The following ACHE variants were observed in gnomAD, a reference collection of about 807,000 sequenced individuals.
ACHE encodes acetylcholinesterase.
A neutral mutation model predicts 53.9 loss-of-function variants in ACHE; 19 were observed. The ratio of observed to expected loss-of-function variants is 0.35; its 90% CI spans 0.25 to 0.52. The LOEUF is 0.52. ACHE is among the 20% of genes least tolerant of loss of function. The pLI, the probability that ACHE is intolerant of heterozygous loss-of-function variation, is 0.95. For missense variants in ACHE, 605 were observed against 849.4 expected (o/e 0.71, Z 3.58); for synonymous variants, 392 against 378.1 (o/e 1.04, Z -0.43).
chr7:100,893,489 G>A lies in ACHE; in HGVS notation c.744C>T (p.Pro248=), dbSNP rs1433401180. ...CGGCCCTGTGGAACAGGCCCCGGCT[G>A]GGCGGGGACAGCAGGTGCATGCCCA... ...ASVGMHLLSP[P]SRGLFHRAVL... is the part of the protein sequence containing the mutation. The change falls in exon 2 of 5, where the codon CCC becomes CCT. Residue 248 remains proline, a synonymous_variant. Transcript: ENST00000241069. The A allele has an allele frequency of 1.2e-6, 2 of 1,607,834 alleles. No individual in the cohort carries two copies. The highest frequency in any genetic ancestry group is 2.2e-5 in the South Asian group (2 of 91,042).
In ACHE at chr7:100,895,809, G is replaced by GGCCGA. The variant is rs1791011788; in HGVS notation, c.-33_-29dup. The GGCCGA allele has an allele frequency of 1.3e-5, 2 of 152,056 alleles. No individual in the cohort carries two copies. The highest frequency in any genetic ancestry group is 6.5e-5 in the Admixed American group (1 of 15,278). The allele number at this position is 152,056 out of a possible 1,614,324, so 9.4% of individuals were successfully genotyped here. A position where few individuals can be genotyped will look rare whatever the true frequency, so the allele number is the denominator to read the frequency against. On this transcript the variant is annotated 5_prime_UTR_variant, in exon 1 of 5. Transcript: ENST00000241069. ...GCGGGGAGGGAGACTCACCTGAGGC[G>GGCCGA]GCCGAGCCGGGCCGGGCCGGGCCGC...
At chr7:100,890,674 C>G in intron 4 of ACHE, 1 of 1,332,696 alleles carries the variant, frequency 7.5e-7, no homozygotes, top group Non-Finnish European at 9.6e-7. Context: ...GGGGTGCTAC[C>G]CCGTCCGGGG....
At chr7:100,894,294 G>T in intron 1 of ACHE, 42 bp from the exon 2 acceptor site, 1 of 1,349,660 alleles carries the variant, frequency 7.4e-7, no homozygotes, top group Non-Finnish European at 9.7e-7. Context: ...GGTCGGTCGA[G>T]AAGCCAGGAG....
chr7:100,890,167 CAGCTAGGGGG>C lies in ACHE; in HGVS notation c.*37_*46del. On this transcript the variant is annotated 3_prime_UTR_variant, in exon 5 of 5. Coordinates refer to ENST00000241069, the MANE Select transcript of ACHE (RefSeq NM_000665.5). ...CCAGCCCTGAAATAAATAGTATATACAGCTAGGGGGCCGGGCGGAGCGGAGGACATGGGGG... is the reference window on the plus strand; with the variant it reads ...CCAGCCCTGAAATAAATAGTATATACCCGGGCGGAGCGGAGGACATGGGGG... 1 of 1,609,276 alleles carries C rather than the reference CAGCTAGGGGG, an allele frequency of 6.2e-7. No individual in the cohort carries two copies. The highest frequency in any genetic ancestry group is 8.5e-7 in the Non-Finnish European group (1 of 1,176,622).
rs576411894 is a variant in ACHE, at chr7:100,895,064, G to T, written c.-21+738C>A. On this transcript the variant is annotated intron_variant, in intron 1 of 4. Transcript: ENST00000241069. ...GGGGGCTCGAGGGCCTTGCAGAGCCGCCTGAAGGGCGAGCCGGGACGCCTG... is the reference window on the plus strand; with the variant it reads ...GGGGGCTCGAGGGCCTTGCAGAGCCTCCTGAAGGGCGAGCCGGGACGCCTG... Among the ~76,000 whole-genome samples the T allele has an allele frequency of 7.9e-5, 12 of 152,258 alleles. No homozygotes were observed. In the East Asian group the frequency reaches 2.1e-3, roughly 27 times the overall value.
Position 100,890,130 on chromosome 7 carries a change from C to T in ACHE, c.*84G>A, listed in dbSNP as rs888344113. On this transcript the variant is annotated 3_prime_UTR_variant, in exon 5 of 5. Transcript: ENST00000241069. ...GGGATGGGCAGAGTCTGGGGCTCGT[C>T]TGTGTTATAGCCCAGCCCTGAAATA... 3 of 1,536,866 alleles carry T rather than the reference C, an allele frequency of 2.0e-6. No individual in the cohort carries two copies. Among genetic ancestry groups the T allele is most frequent in the Non-Finnish European group, 2.7e-6 (3 of 1,131,864 alleles).
At chr7:100,893,084 T>A (rs1384856471) in intron 2 of ACHE, 81 bp downstream of exon 2, 6 of 1,455,928 alleles carry the variant, frequency 4.1e-6, no homozygotes, top group Non-Finnish European at 4.7e-6. Context: ...GGAGAAGCCC[T>A]CATGCCTGGG....
rs765298437 is a variant in ACHE at position 100,893,419 on chromosome 7, T to C, written c.814A>G (p.Met272Val). Residue 272 changes from methionine (M) to valine (V), a missense_variant, in exon 2 of 5, where the codon ATG (methionine) becomes GTG (valine). Coordinates refer to ENST00000241069, the MANE Select transcript of ACHE (RefSeq NM_000665.5). Reference protein sequence around the residue: ...APNGPWATVGMGEARRRATQL... With the variant: ...APNGPWATVGVGEARRRATQL... Reference sequence around the variant, plus strand: ...GTGGCCCTGCGACGGGCCTCTCCCATGCCCACCGTGGCCCAGGGTCCATTG... The same window carrying C: ...GTGGCCCTGCGACGGGCCTCTCCCACGCCCACCGTGGCCCAGGGTCCATTG... The C allele has an allele frequency of 6.2e-7, 1 of 1,610,830 alleles. No homozygotes were observed. Among genetic ancestry groups the C allele is most frequent in the Non-Finnish European group, 8.5e-7 (1 of 1,179,610 alleles).
rs774439726 is a variant in ACHE, at chr7:100,891,091, A to G, written c.1723+78T>C. 7 of 1,538,358 alleles carry G rather than the reference A, an allele frequency of 4.6e-6. No homozygotes were observed. In the Admixed American group the frequency reaches 1.4e-4, roughly 31 times the overall value. ...GCAGGTGCTGGGAGCCTCCGAGGCT[A>G]GGGGGAGAAGAGAGGGGTTACACCT... On this transcript the variant is annotated intron_variant, in intron 4 of 4. Coordinates refer to ENST00000241069, the MANE Select transcript of ACHE (RefSeq NM_000665.5).
At position 100,890,134 on chromosome 7, in the gene ACHE, G is replaced by A; in HGVS notation, c.*80C>T. On this transcript the variant is annotated 3_prime_UTR_variant, in exon 5 of 5. Transcript: ENST00000241069. ...TGGGCAGAGTCTGGGGCTCGTCTGT[G>A]TTATAGCCCAGCCCTGAAATAAATA... 2.6e-6 allele frequency: 4 copies of A among 1,553,876 alleles called. No homozygotes were observed. Among genetic ancestry groups the A allele is most frequent in the Non-Finnish European group, 1.8e-6 (2 of 1,141,186 alleles).
At position 100,893,733 on chromosome 7, in the gene ACHE, C is replaced by T. The variant is rs368062416; in HGVS notation, c.500G>A (p.Arg167His). ...AGTCCTCTCGGCCTGTACCAAGAAGCGGCCATCGTACACGTCCAAGGAGGA... is the reference window on the plus strand; with the variant it reads ...AGTCCTCTCGGCCTGTACCAAGAAGTGGCCATCGTACACGTCCAAGGAGGA... Reference protein sequence around the residue: ...GASSLDVYDGRFLVQAERTVL... With the variant: ...GASSLDVYDGHFLVQAERTVL... The change falls in exon 2 of 5, where the codon CGC becomes CAC. Residue 167 changes from arginine to histidine, a missense_variant. Around this residue, in one of 4 missense-constraint regions of ACHE, gnomAD observed 397 missense variants for 632.5 expected, o/e 0.63. Coordinates refer to ENST00000241069, the MANE Select transcript of ACHE (RefSeq NM_000665.5). 1.9e-6 allele frequency: 3 copies of T among 1,613,568 alleles called. No homozygotes were observed. Among genetic ancestry groups the T allele is most frequent in the Non-Finnish European group, 1.7e-6 (2 of 1,180,018 alleles).
Position 100,892,745 on chromosome 7 carries a change from T to C in ACHE, c.1142A>G (p.Asn381Ser). The C allele has an allele frequency of 1.2e-6, 2 of 1,612,442 alleles. No individual in the cohort carries two copies. Among genetic ancestry groups the C allele is most frequent in the Admixed American group, 1.7e-5 (1 of 59,996 alleles). ...VYGAPGFSKD[N>S]ESLISRAEFL... ...CTCGGCCCGGCTGATGAGAGACTCG[T>C]TGTCTTTGCTGAAGCCTGGGGCCCC... Residue 381 changes from asparagine (N) to serine (S), a missense_variant, in exon 3 of 5, where the codon AAC becomes AGC. This residue lies in a region of ACHE where 397 missense variants were observed against 632.5 expected (regional missense o/e 0.63). Coordinates refer to ENST00000241069, the MANE Select transcript of ACHE (RefSeq NM_000665.5). The surrounding 1 kb of genome is among the most constrained non-coding windows in gnomAD (Gnocchi z 5.2).
rs17885778 is a variant in ACHE, at chr7:100,893,830, G to C, written c.403C>G (p.Pro135Ala). ...EDCLYLNVWTPYPRPTSPTPV... is the reference protein window; with the variant it reads ...EDCLYLNVWTAYPRPTSPTPV... The stretch of plus-strand genomic sequence containing the variant: ...GTGGGGGATGTAGGCCGGGGGTATG[G>C]TGTCCACACGTTGAGGTACAGGCAG... The change falls in exon 2 of 5, where the codon CCA becomes GCA. Residue 135 changes from proline to alanine, a missense_variant. Around this residue, in one of 4 missense-constraint regions of ACHE, gnomAD observed 397 missense variants for 632.5 expected, o/e 0.63. Coordinates refer to ENST00000241069, the MANE Select transcript of ACHE (RefSeq NM_000665.5). 1.1e-3 allele frequency: 1,793 copies of C among 1,612,722 alleles called. 7 individuals carry two copies. The highest frequency in any genetic ancestry group is 7.1e-3 in the Middle Eastern group (43 of 6,050).
rs760367715 is a variant in ACHE, at chr7:100,893,780, C to T, written c.453G>A (p.Gly151=). 1.2e-6 allele frequency: 2 copies of T among 1,613,822 alleles called. No individual in the cohort carries two copies. Among genetic ancestry groups the T allele is most frequent in the East Asian group, 2.2e-5 (1 of 44,882 alleles). The stretch of plus-strand genomic sequence containing the variant: ...AGGAGGCCCCACTGTAGAAGCCACC[C>T]CCATAGATCCAGACGAGGACAGGGG... ...SPTPVLVWIY[G]GGFYSGASSL... is the part of the protein sequence containing the mutation. The change falls in exon 2 of 5, where the codon GGG becomes GGA. Residue 151 remains glycine, a synonymous_variant. Coordinates refer to ENST00000241069, the MANE Select transcript of ACHE (RefSeq NM_000665.5).
Position 100,893,762 on chromosome 7 carries a change from C to G in ACHE, c.471G>C (p.Gly157=). Residue 157 remains glycine, a synonymous_variant, in exon 2 of 5, where the codon GGG becomes GGC. Transcript: ENST00000241069. ...CATCGTACACGTCCAAGGAGGAGGC[C>G]CCACTGTAGAAGCCACCCCCATAGA... ...VWIYGGGFYS[G]ASSLDVYDGR... is the part of the protein sequence containing the mutation. 6.2e-7 allele frequency: 1 copy of G among 1,613,782 alleles called. No individual in the cohort carries two copies. The highest frequency in any genetic ancestry group is 8.5e-7 in the Non-Finnish European group (1 of 1,180,022).
At position 100,893,360 on chromosome 7, in the gene ACHE, G is replaced by T; in HGVS notation, c.873C>A (p.Gly291=). 1.2e-6 allele frequency: 2 copies of T among 1,613,590 alleles called. No homozygotes were observed. Among genetic ancestry groups the T allele is most frequent in the Non-Finnish European group, 1.7e-6 (2 of 1,180,006 alleles). The part of the protein sequence containing the change: ...QLAHLVGCPP[G]GTGGNDTELV... ...GCTCTGTGTCATTCCCACCAGTGCC[G>T]CCTGGAGGACAGCCCACAAGGTGGG... Residue 291 remains glycine (G), a synonymous_variant, in exon 2 of 5, where the codon GGC becomes GGA. Transcript: ENST00000241069.
Position 100,894,209 on chromosome 7 carries a change from C to T in ACHE, c.24G>A (p.Leu8=), listed in dbSNP as rs1584776911. 6.8e-7 allele frequency: 1 copy of T among 1,463,722 alleles called. No individual in the cohort carries two copies. Among genetic ancestry groups the T allele is most frequent in the Non-Finnish European group, 9.0e-7 (1 of 1,113,796 alleles). The allele number at this position is 1,463,722 out of a possible 1,614,324, so 90.7% of individuals were successfully genotyped here. A position where few individuals can be genotyped will look rare whatever the true frequency, so the allele number is the denominator to read the frequency against. ...GTGGGGAAGCCAGGGAAGGCGTGTGCAGCAGACACTGCGGGGGCCTCATGG... is the reference window on the plus strand; with the variant it reads ...GTGGGGAAGCCAGGGAAGGCGTGTGTAGCAGACACTGCGGGGGCCTCATGG... MRPPQCL[L]HTPSLASPLL... The change falls in exon 2 of 5, where the codon CTG becomes CTA. Residue 8 remains leucine, a synonymous_variant. Coordinates refer to ENST00000241069, the MANE Select transcript of ACHE (RefSeq NM_000665.5).
At chr7:100,893,125 C>T in intron 2 of ACHE, 40 bp downstream of exon 2, 1 of 1,595,982 alleles carries the variant, frequency 6.3e-7, no homozygotes, top group Non-Finnish European at 8.6e-7. Context: ...ACCGTTGGGA[C>T]CCAGAGGAGC....
rs780728571 is a variant in ACHE, at chr7:100,890,169, G to A, written c.*45C>T. 1.7e-5 allele frequency: 28 copies of A among 1,610,084 alleles called. No homozygotes were observed. Among genetic ancestry groups the A allele is most frequent in the Non-Finnish European group, 2.3e-5 (27 of 1,177,214 alleles). On this transcript the variant is annotated 3_prime_UTR_variant, in exon 5 of 5. Transcript: ENST00000241069. ...AGCCCTGAAATAAATAGTATATACA[G>A]CTAGGGGGCCGGGCGGAGCGGAGGA...
Sources: allele counts gnomAD v4.1 joint callset (sites outside exome capture counted in the v4.1 genomes callset), GRCh38; gene constraint gnomAD v4.1.1; regional missense constraint gnomAD v4.1.1; non-coding constraint Gnocchi (gnomAD v3.1); transcripts MANE v1.5; gene names NCBI Gene and HGNC (gene_info 2026-07-23, HGNC 2026-07-21).